Variants in CDK14 observed in about 807,000 individuals in gnomAD.
CDK14 encodes cyclin-dependent kinase 14.
In CDK14, 34 loss-of-function variants were observed where a neutral mutation model predicts 60.7. That is an observed-to-expected ratio of 0.56 (90% CI 0.43 to 0.75). CDK14 has a LOEUF of 0.75. Ranked by LOEUF, CDK14 falls within the 30% of genes least tolerant of loss-of-function variation. CDK14 has a pLI of 0.00. For missense variants in CDK14, 482 were observed against 564.1 expected (o/e 0.85, Z 1.47); for synonymous variants, 197 against 203.7 (o/e 0.97, Z 0.28).
chr7:90,712,053 G>A (rs1802083352), intron 2 of CDK14, among the ~76,000 whole-genome samples: 1 of 149,570 alleles, frequency 6.7e-6, no homozygotes, highest in South Asian at 2.1e-4. Context: ...ATTTCAAAGA[G>A]AAAATATGTG....
intron 5 of CDK14, among the ~76,000 whole-genome samples, chr7:90,840,154 A>G (rs577463314): frequency 1.3e-5 from 2 of 152,250 alleles, no homozygotes; most frequent in South Asian, 2.1e-4. Context: ...TCAAGCTAAG[A>G]TGTTCTCTAC....
chr7:90,842,501 T>C (rs966573741), intron 5 of CDK14, among the ~76,000 whole-genome samples: 2 of 152,056 alleles, frequency 1.3e-5, no homozygotes, highest in Non-Finnish European at 1.5e-5. Context: ...GTGGCACAGA[T>C]TGGAGAAAGC....
intron 12 of CDK14, among the ~76,000 whole-genome samples, chr7:91,109,455 G>T (rs1205576628): frequency 6.6e-6 from 1 of 151,936 alleles, no homozygotes; most frequent in Non-Finnish European, 1.5e-5. Flanking sequence ...CCAATTACAT[G>T]GAAATAGAAT....
Position 91,078,233 on chromosome 7 carries a change from C to G in CDK14, c.1106-1199C>G, listed in dbSNP as rs529382180. Among the ~76,000 whole-genome samples the G allele has an allele frequency of 2.0e-5, 3 of 152,302 alleles. No individual in the cohort carries two copies. The South Asian group carries it at 6.2e-4, about 32-fold the overall frequency. ...TTTGTAAGGGAAAAGAAATTGGAAA[C>G]TACTTAAAGGTTCATCAATGGGAGA... On this transcript the variant is annotated intron_variant, in intron 11 of 14. Coordinates refer to ENST00000380050, the MANE Select transcript of CDK14 (RefSeq NM_001287135.2).
At chr7:91,124,944 C>T (rs1404711076) in intron 14 of CDK14, among the ~76,000 whole-genome samples, 2 of 152,068 alleles carry the variant, frequency 1.3e-5, no homozygotes, top group African/African-American at 4.8e-5. Flanking sequence ...GCCCTAAGTG[C>T]ACTGTATTGT....
At chr7:91,131,981 T>C (rs1800131139) in intron 14 of CDK14, among the ~76,000 whole-genome samples, 1 of 146,594 alleles carries the variant, frequency 6.8e-6, no homozygotes, top group Admixed American at 7.1e-5. Context: ...CAATCTCTTG[T>C]TCTTTTAGGA....
intron 10 of CDK14, among the ~76,000 whole-genome samples, chr7:91,040,180 C>T (rs938254292): frequency 4.6e-5 from 7 of 152,186 alleles, no homozygotes; most frequent in Non-Finnish European, 4.4e-5. Flanking sequence ...GCAGCACATT[C>T]GTTGTACTGT....
intron 14 of CDK14, among the ~76,000 whole-genome samples, chr7:91,137,486 A>G (rs1177127298): frequency 1.3e-5 from 2 of 152,152 alleles, no homozygotes; most frequent in Non-Finnish European, 2.9e-5. Flanking sequence ...AGTAATATGT[A>G]GGCTCCATTG....
At chr7:91,021,511 T>G (rs1189774642) in intron 10 of CDK14, among the ~76,000 whole-genome samples, 1 of 152,174 alleles carries the variant, frequency 6.6e-6, no homozygotes, top group Non-Finnish European at 1.5e-5. Context: ...AGCTCCAACA[T>G]TATGGTTTTG....
chr7:90,669,442 G>C (rs1330123595), intron 2 of CDK14, among the ~76,000 whole-genome samples: 1 of 152,188 alleles, frequency 6.6e-6, no homozygotes, highest in East Asian at 1.9e-4. Flanking sequence ...TGGAGCTACA[G>C]TGGTTGTTTC....
chr7:91,149,059 A>G (rs1389704108), intron 14 of CDK14, among the ~76,000 whole-genome samples: 2 of 152,184 alleles, frequency 1.3e-5, no homozygotes, highest in Admixed American at 1.3e-4. Context: ...TTTTGCTATA[A>G]AACAATTTTG....
intron 11 of CDK14, among the ~76,000 whole-genome samples, chr7:91,050,390 C>T (rs1263547884): frequency 6.6e-6 from 1 of 151,672 alleles, no homozygotes; most frequent in Non-Finnish European, 1.5e-5. Flanking sequence ...TATCCCAGAA[C>T]TCAACATGGT....
At chr7:91,022,152 G>A (rs940363337) in intron 10 of CDK14, among the ~76,000 whole-genome samples, 2 of 152,216 alleles carry the variant, frequency 1.3e-5, no homozygotes, top group Admixed American at 6.5e-5. Context: ...CTGAGGGACT[G>A]TGTGTAGAAT....
chr7:91,204,994 A>G (rs1741988053), intron 14 of CDK14, among the ~76,000 whole-genome samples: 1 of 152,094 alleles, frequency 6.6e-6, no homozygotes, highest in African/African-American at 2.4e-5. Context: ...GGGAAATGCA[A>G]GTGCAAATCA....
chr7:90,674,133 C>T (rs892007478), intron 2 of CDK14, among the ~76,000 whole-genome samples: 1 of 152,148 alleles, frequency 6.6e-6, no homozygotes, highest in African/African-American at 2.4e-5. Flanking sequence ...CACAGAAATT[C>T]TGAATGAGTC....
At chr7:90,902,605 C>T (rs1264324039) in intron 7 of CDK14, among the ~76,000 whole-genome samples, 1 of 152,010 alleles carries the variant, frequency 6.6e-6, no homozygotes, top group Non-Finnish European at 1.5e-5. Context: ...AAATCAACTT[C>T]AGATGGATTA....
chr7:90,734,241 A>T (rs1307654946), intron 3 of CDK14, among the ~76,000 whole-genome samples: 2 of 151,574 alleles, frequency 1.3e-5, no homozygotes, highest in Non-Finnish European at 2.9e-5. Flanking sequence ...TGCCCTTAGC[A>T]TTTTTTCCTT....
At chr7:91,135,316 A>G (rs1208640251) in intron 14 of CDK14, among the ~76,000 whole-genome samples, 1 of 152,170 alleles carries the variant, frequency 6.6e-6, no homozygotes, top group Middle Eastern at 3.2e-3. Flanking sequence ...GGCTTTTAGC[A>G]CAATTACCAT....
chr7:90,815,167 T>C (rs1163164588), intron 5 of CDK14, among the ~76,000 whole-genome samples: 2 of 152,230 alleles, frequency 1.3e-5, no homozygotes, highest in Admixed American at 6.5e-5. Context: ...CTTTATGTTC[T>C]AAGGGTTGTG....
Sources: gnomAD v4.1 joint callset for allele counts (sites outside exome capture counted in the v4.1 genomes callset) on GRCh38, gnomAD v4.1.1 for gene constraint, MANE v1.5 for transcripts, NCBI Gene and HGNC (gene_info 2026-07-23, HGNC 2026-07-21) for gene names.